The following UBL3 variants were observed in gnomAD, a reference collection of about 807,000 sequenced individuals.
UBL3 encodes the protein ubiquitin-like protein 3.
UBL3 carries 6 observed loss-of-function variants against 18.4 expected under a neutral mutation model. The observed-to-expected ratio is 0.33, with a 90% CI of 0.18 to 0.64. UBL3 has a LOEUF of 0.64. Ranked by LOEUF, UBL3 falls within the 30% of genes least tolerant of loss-of-function variation. UBL3 has a pLI of 0.76. For missense variants in UBL3, 109 were observed against 142.9 expected (o/e 0.76, Z 1.21); for synonymous variants, 49 against 46.6 (o/e 1.05, Z -0.21).
intron 1 of UBL3, among the ~76,000 whole-genome samples, chr13:29,835,920 A>C (rs1878951968): frequency 6.6e-6 from 1 of 152,108 alleles, no homozygotes; most frequent in Non-Finnish European, 1.5e-5. Context: ...GTTAGACAGG[A>C]GCTAGATCAT....
At chr13:29,780,353 C>CAAAAAAAA (rs71746248) in intron 1 of UBL3, among the ~76,000 whole-genome samples, 231 of 8,354 alleles carry the variant, frequency 0.028, 20 homozygotes, top group African/African-American at 0.05. Flanking sequence ...GACTCTGTCT[C>CAAAAAAAA]AAAAAAAAAA....
chr13:29,807,519 C>T (rs985882245), intron 1 of UBL3, among the ~76,000 whole-genome samples: 3 of 152,208 alleles, frequency 2.0e-5, no homozygotes, highest in East Asian at 3.8e-4. Flanking sequence ...CACAATTCTA[C>T]AACCAGTTTT....
Position 29,766,921 on chromosome 13 carries a change from T to C in UBL3, c.*334A>G, listed in dbSNP as rs1593646685. 6.0e-5 allele frequency: 12 copies of C among 198,464 alleles called. No homozygotes were observed. The highest frequency in any genetic ancestry group is 1.1e-4 in the Non-Finnish European group (11 of 98,618). 12.3% of individuals were successfully genotyped at this position (198,464 alleles called of 1,614,324 possible). On this transcript the variant is annotated 3_prime_UTR_variant, in exon 5 of 5. Coordinates refer to ENST00000380680, the MANE Select transcript of UBL3 (RefSeq NM_007106.4). Reference sequence around the variant, plus strand: ...CAAATTGTATTTGGAACACTTGATTTATTAGTTCTGATGATGAAAATTTTG... The same window carrying C: ...CAAATTGTATTTGGAACACTTGATTCATTAGTTCTGATGATGAAAATTTTG...
At chr13:29,794,373 C>G (rs1213692736) in intron 1 of UBL3, among the ~76,000 whole-genome samples, 1 of 152,040 alleles carries the variant, frequency 6.6e-6, no homozygotes, top group Non-Finnish European at 1.5e-5. Context: ...CACACACACG[C>G]ACCCCTACCT....
At chr13:29,773,865 T>G (rs1182003061) in intron 2 of UBL3, among the ~76,000 whole-genome samples, 2 of 152,182 alleles carry the variant, frequency 1.3e-5, no homozygotes, top group East Asian at 1.9e-4. Context: ...CAGAAGGGTA[T>G]GCTAAGGAAA....
chr13:29,815,566 C>A lies in UBL3; in HGVS notation c.27+33946G>T, dbSNP rs190634162. ...AACAAAACCCCATTTTATTGTTGCTCTTCTGAATGCCACTTTATTCCCAAA... is the reference window on the plus strand; with the variant it reads ...AACAAAACCCCATTTTATTGTTGCTATTCTGAATGCCACTTTATTCCCAAA... On this transcript the variant is annotated intron_variant, in intron 1 of 4. Coordinates refer to ENST00000380680, the MANE Select transcript of UBL3 (RefSeq NM_007106.4). Among the ~76,000 whole-genome samples, 9 of 152,272 alleles carry A rather than the reference C, an allele frequency of 5.9e-5. No individual in the cohort carries two copies. In the South Asian group the frequency reaches 1.5e-3, roughly 25 times the overall value.
intron 1 of UBL3, among the ~76,000 whole-genome samples, chr13:29,839,611 G>A (rs1196115043): frequency 1.3e-5 from 2 of 152,114 alleles, no homozygotes; most frequent in East Asian, 1.9e-4. Flanking sequence ...CCAACACAGT[G>A]AGACCCCCAT....
In UBL3 at chr13:29,849,637, G is replaced by A; in HGVS notation, c.-99C>T. ...ACAGAAATAAACCACGATTTTGACTGGTTCGTGATGTGCTTTCTCCCCCAA... is the reference window on the plus strand; with the variant it reads ...ACAGAAATAAACCACGATTTTGACTAGTTCGTGATGTGCTTTCTCCCCCAA... On this transcript the variant is annotated 5_prime_UTR_variant, in exon 1 of 5. Coordinates refer to ENST00000380680, the MANE Select transcript of UBL3 (RefSeq NM_007106.4). 6.9e-7 allele frequency: 1 copy of A among 1,458,712 alleles called. No homozygotes were observed. The highest frequency in any genetic ancestry group is 9.5e-7 in the Non-Finnish European group (1 of 1,052,692). The allele number at this position is 1,458,712 out of a possible 1,614,324, so 90.4% of individuals were successfully genotyped here. A position where few individuals can be genotyped will look rare whatever the true frequency, so the allele number is the denominator to read the frequency against.
In UBL3 at chr13:29,767,210, C is replaced by G. The variant is rs755462981; in HGVS notation, c.*45G>C. ...TGTCGGGTCTTTTCTGTCCCAGCAG[C>G]ATGAAAGACAAAGACTATATCACAT... On this transcript the variant is annotated 3_prime_UTR_variant, in exon 5 of 5. Transcript: ENST00000380680. 3.7e-6 allele frequency: 6 copies of G among 1,606,508 alleles called. No individual in the cohort carries two copies. In the Admixed American group the frequency reaches 1.0e-4, roughly 27 times the overall value.
chr13:29,835,376 T>C (rs960102937), intron 1 of UBL3, among the ~76,000 whole-genome samples: 6 of 150,798 alleles, frequency 4.0e-5, no homozygotes, highest in Admixed American at 2.0e-4. Flanking sequence ...AGAGAGGGTA[T>C]AGAAGTATAC....
At chr13:29,826,686 C>T (rs1315709491) in intron 1 of UBL3, among the ~76,000 whole-genome samples, 2 of 152,138 alleles carry the variant, frequency 1.3e-5, no homozygotes, top group African/African-American at 2.4e-5. Context: ...CTATCTCCTT[C>T]AGTTCTGCTC....
intron 1 of UBL3, among the ~76,000 whole-genome samples, chr13:29,837,457 A>C (rs770200462): frequency 3.9e-5 from 6 of 152,236 alleles, no homozygotes; most frequent in Admixed American, 6.5e-5. Context: ...GGTTGCTAGA[A>C]AATCTCTAGG....
intron 1 of UBL3, among the ~76,000 whole-genome samples, chr13:29,801,542 C>T (rs996516908): frequency 6.6e-6 from 1 of 152,176 alleles, no homozygotes; most frequent in African/African-American, 2.4e-5. Flanking sequence ...AGTGCAGTCT[C>T]CCCAATCCTT....
At chr13:29,775,970 A>AT (rs920760853) in intron 2 of UBL3, among the ~76,000 whole-genome samples, 2 of 152,014 alleles carry the variant, frequency 1.3e-5, no homozygotes, top group Admixed American at 6.6e-5. Context: ...TACCAAACAC[A>AT]TTTTCCAAGA....
chr13:29,804,564 T>C (rs6490430), intron 1 of UBL3, among the ~76,000 whole-genome samples: 58,171 of 151,742 alleles, frequency 0.38, 11,335 homozygotes, highest in African/African-American at 0.47. Flanking sequence ...TAAATTAGAC[T>C]ACTAGCTAGA....
intron 1 of UBL3, among the ~76,000 whole-genome samples, chr13:29,816,258 A>G (rs901669611): frequency 6.6e-6 from 1 of 152,140 alleles, no homozygotes; most frequent in East Asian, 1.9e-4. Context: ...CTTCTCCTCA[A>G]TTAAAGCAAT....
At chr13:29,821,170 AAAG>A (rs1303625265) in intron 1 of UBL3, among the ~76,000 whole-genome samples, 1 of 152,206 alleles carries the variant, frequency 6.6e-6, no homozygotes, top group Non-Finnish European at 1.5e-5. Context: ...AAAATAACAC[AAAG>A]AAGAAGCTTA....
At chr13:29,843,286 T>A (rs1767373602) in intron 1 of UBL3, among the ~76,000 whole-genome samples, 1 of 152,158 alleles carries the variant, frequency 6.6e-6, no homozygotes, top group African/African-American at 2.4e-5. Context: ...AGATTAAAAT[T>A]TTGTTTTTAC....
chr13:29,811,943 T>C (rs998541718), intron 1 of UBL3, among the ~76,000 whole-genome samples: 2 of 152,072 alleles, frequency 1.3e-5, no homozygotes, highest in African/African-American at 4.8e-5. Context: ...GCCCTTTAAA[T>C]AAACAAAATT....
Sources: allele counts gnomAD v4.1 joint callset (sites outside exome capture counted in the v4.1 genomes callset), GRCh38; gene constraint gnomAD v4.1.1; transcripts MANE v1.5; gene names NCBI Gene and HGNC (gene_info 2026-07-23, HGNC 2026-07-21).